The following COL5A1 variants were observed in gnomAD, a reference collection of about 807,000 sequenced individuals.
COL5A1 encodes the protein collagen alpha-1(V) chain.
COL5A1 carries 16 observed loss-of-function variants against 263.7 expected under a neutral mutation model. The observed-to-expected ratio is 0.06, with a 90% confidence interval of 0.04 to 0.09. The LOEUF (loss-of-function observed/expected upper bound fraction) is 0.09, where lower values mean the gene tolerates loss of function less well. COL5A1 is among the 10% of genes least tolerant of loss of function. COL5A1 has a pLI of 1.00. For synonymous variants in COL5A1, 1,012 were observed against 1,004.5 expected, an observed-to-expected ratio of 1.01 and a Z score of -0.14; for missense variants, 2,036 against 2,540.5, an observed-to-expected ratio of 0.80 and a Z score of 4.27.
Position 134,829,337 on chromosome 9 carries a change from C to T in COL5A1, c.5068-639C>T, listed in dbSNP as rs111982046. On this transcript the variant is annotated intron_variant, in intron 63 of 65. Coordinates refer to ENST00000371817, the MANE Select transcript of COL5A1 (RefSeq NM_000093.5). ...GGCTCCTCACACGGCCTCCAGTCTC[C>T]CCGAGGGCTGGGGCCAGGCTCATCC... Among the ~76,000 whole-genome samples, 123 of 151,178 alleles carry T rather than the reference C, an allele frequency of 8.1e-4. 1 individual carries two copies. Among genetic ancestry groups the T allele is most frequent in the Non-Finnish European group, 1.3e-3 (90 of 67,766 alleles).
intron 59 of COL5A1, among the ~76,000 whole-genome samples, chr9:134,822,631 C>G (rs1217965970): frequency 6.6e-6 from 1 of 151,556 alleles, no homozygotes; most frequent in Non-Finnish European, 1.5e-5. Context: ...CCCTGGCACG[C>G]TGAGGGCTGG....
chr9:134,722,384 G>C (rs7854716), intron 4 of COL5A1, among the ~76,000 whole-genome samples: 29,221 of 152,210 alleles, frequency 0.19, 5,681 homozygotes, highest in African/African-American at 0.5. Context: ...GGTCGTGCAG[G>C]TGTGCCTGGG....
At chr9:134,726,584 G>A (rs550958351) in intron 4 of COL5A1, among the ~76,000 whole-genome samples, 1 of 151,674 alleles carries the variant, frequency 6.6e-6, no homozygotes, top group East Asian at 2.0e-4. Context: ...GGATGGAGGA[G>A]TGGATGGATA....
intron 61 of COL5A1, among the ~76,000 whole-genome samples, 200 bp from the exon 62 acceptor site, chr9:134,824,400 A>C (rs1215439226): frequency 6.6e-6 from 1 of 152,204 alleles, no homozygotes; most frequent in Non-Finnish European, 1.5e-5. Flanking sequence ...AGCACCTGGC[A>C]GTGGGGATGG....
intron 11 of COL5A1, among the ~76,000 whole-genome samples, chr9:134,746,469 G>T (rs1361766298): frequency 2.6e-5 from 4 of 152,256 alleles, no homozygotes; most frequent in African/African-American, 9.6e-5. Context: ...CTGAGGTTGA[G>T]CCGAGGGTCT....
chr9:134,694,674 A>T (rs1833398916), intron 2 of COL5A1, among the ~76,000 whole-genome samples: 2 of 152,260 alleles, frequency 1.3e-5, no homozygotes, highest in South Asian at 4.1e-4. Context: ...ACGGTTGCTG[A>T]CCGATCATGG....
At chr9:134,721,250 T>G (rs929856320) in intron 4 of COL5A1, among the ~76,000 whole-genome samples, 6 of 121,062 alleles carry the variant, frequency 5.0e-5, no homozygotes, top group Non-Finnish European at 9.8e-5. Flanking sequence ...CATCCAGGGC[T>G]GTCAGATGTC....
intron 15 of COL5A1, 68 bp downstream of exon 15, chr9:134,753,971 C>T (rs557994392): frequency 8.9e-6 from 12 of 1,351,178 alleles, no homozygotes; most frequent in African/African-American, 1.4e-5. Flanking sequence ...CGACGGCGAG[C>T]ATGGAGGGAC....
intron 27 of COL5A1, among the ~76,000 whole-genome samples, chr9:134,779,118 C>T (rs766835251): frequency 2.6e-5 from 4 of 152,372 alleles, no homozygotes; most frequent in East Asian, 3.9e-4. Context: ...TCTGTGGCCC[C>T]GGCTTCAGCC....
rs1165724452 is a variant in COL5A1, at chr9:134,822,789, A to G, written c.4609-209A>G. 17 of 648,660 alleles carry G rather than the reference A, an allele frequency of 2.6e-5. No individual in the cohort carries two copies. In the African/African-American group the frequency reaches 2.7e-4, roughly 10 times the overall value. 40.2% of individuals were successfully genotyped at this position (648,660 alleles called of 1,614,324 possible). On this transcript the variant is annotated intron_variant, in intron 59 of 65. Transcript: ENST00000371817. ...GGTGGTAGGCTGGCCGGGGGCAGGT[A>G]GGACCACCCTGTGTCTCCACGAGGG...
At chr9:134,829,665 C>T (rs1318143127) in intron 63 of COL5A1, among the ~76,000 whole-genome samples, 1 of 149,252 alleles carries the variant, frequency 6.7e-6, no homozygotes, top group African/African-American at 2.5e-5. Flanking sequence ...CTCATCCTCA[C>T]ATGGCCTTCA....
intron 27 of COL5A1, 68 bp from the exon 28 acceptor site, chr9:134,780,034 C>G: frequency 6.4e-7 from 1 of 1,572,846 alleles, no homozygotes; most frequent in South Asian, 1.1e-5. Flanking sequence ...TCTTGACACG[C>G]CTGCGACAGC....
intron 1 of COL5A1, among the ~76,000 whole-genome samples, chr9:134,657,975 A>G (rs1381315894): frequency 6.6e-6 from 1 of 151,884 alleles, no homozygotes; most frequent in East Asian, 1.9e-4. Flanking sequence ...GGTGGGCTTC[A>G]CTGACGAGGG....
intron 1 of COL5A1, among the ~76,000 whole-genome samples, chr9:134,670,104 A>G (rs974141599): frequency 1.3e-5 from 2 of 152,182 alleles, no homozygotes; most frequent in African/African-American, 4.8e-5. Context: ...TGTCATTATC[A>G]GCTCTTTGTA....
At chr9:134,719,452 A>G (rs1834379077) in intron 4 of COL5A1, among the ~76,000 whole-genome samples, 1 of 152,228 alleles carries the variant, frequency 6.6e-6, no homozygotes, top group Non-Finnish European at 1.5e-5. Context: ...ACACAGTGAC[A>G]CAACACACCA....
intron 2 of COL5A1, among the ~76,000 whole-genome samples, chr9:134,692,116 A>G (rs1833306352): frequency 2.0e-5 from 3 of 152,240 alleles, no homozygotes; most frequent in East Asian, 1.9e-4. Context: ...GAATCTGGGC[A>G]GTTCTTTTCA....
intron 44 of COL5A1, 27 bp from the exon 45 acceptor site, chr9:134,811,312 C>T (rs1838514266): frequency 6.2e-7 from 1 of 1,612,184 alleles, no homozygotes; most frequent in Admixed American, 1.7e-5. Context: ...CAAGAAGCTA[C>T]CTATGTCTCT....
At chr9:134,840,162 G>A (rs1371268925) in intron 65 of COL5A1, among the ~76,000 whole-genome samples, 1 of 152,222 alleles carries the variant, frequency 6.6e-6, no homozygotes, top group African/African-American at 2.4e-5. Flanking sequence ...AGCCTCTCTG[G>A]GCAGGGGTCA....
At chr9:134,762,917 GTGTA>G (rs1836515054) in intron 19 of COL5A1, among the ~76,000 whole-genome samples, 1 of 152,182 alleles carries the variant, frequency 6.6e-6, no homozygotes. Context: ...CTGTGTGCAT[GTGTA>G]TGTGCAGGGA....
Sources: gnomAD v4.1 joint callset for allele counts (sites outside exome capture counted in the v4.1 genomes callset) on GRCh38, gnomAD v4.1.1 for gene constraint, MANE v1.5 for transcripts, NCBI Gene and HGNC (gene_info 2026-07-23, HGNC 2026-07-21) for gene names.